The following MLLT10 variants were observed in gnomAD, a reference collection of about 807,000 sequenced individuals.
MLLT10 encodes MLLT10 histone lysine methyltransferase DOT1L cofactor.
MLLT10 carries 30 observed loss-of-function variants against 129.1 expected under a neutral mutation model. That is an observed-to-expected ratio of 0.23 (90% CI 0.17 to 0.32). The LOEUF (loss-of-function observed/expected upper bound fraction) is 0.32. Ranked by LOEUF, MLLT10 falls within the 10% of genes least tolerant of loss-of-function variation. MLLT10 has a pLI of 1.00. For missense variants in MLLT10, 1,119 were observed against 1,268.3 expected (o/e 0.88, Z 1.79); for synonymous variants, 490 against 446.4 (o/e 1.10, Z -1.23).
intron 14 of MLLT10, among the ~76,000 whole-genome samples, chr10:21,720,650 A>C (rs986757364): frequency 9.2e-5 from 14 of 152,252 alleles, no homozygotes; most frequent in Admixed American, 2.6e-4. Flanking sequence ...AGTTTAAAAC[A>C]TTACTGCATA....
chr10:21,611,814 G>A (rs937270958), intron 5 of MLLT10, among the ~76,000 whole-genome samples: 1 of 152,202 alleles, frequency 6.6e-6, no homozygotes, highest in African/African-American at 2.4e-5. Flanking sequence ...CAGCTTGGTG[G>A]GGCTGAATGA....
chr10:21,675,409 A>G (rs767815356), intron 11 of MLLT10, among the ~76,000 whole-genome samples: 1 of 152,200 alleles, frequency 6.6e-6, no homozygotes, highest in Admixed American at 6.5e-5. Flanking sequence ...GGGAATAAAA[A>G]ATGTCTCCAA....
At chr10:21,568,802 A>G (rs2039880811) in intron 3 of MLLT10, among the ~76,000 whole-genome samples, 2 of 151,908 alleles carry the variant, frequency 1.3e-5, no homozygotes, top group Non-Finnish European at 2.9e-5. Context: ...ATGCCCGGCT[A>G]ATGTTGTATT....
At chr10:21,617,239 C>A in intron 8 of MLLT10, 32 bp downstream of exon 8, 2 of 1,258,128 alleles carry the variant, frequency 1.6e-6, no homozygotes, top group South Asian at 2.0e-5. Flanking sequence ...AAATTTGTAG[C>A]ACATCTACTT....
At chr10:21,656,679 A>AT (rs1301756348) in intron 9 of MLLT10, among the ~76,000 whole-genome samples, 8 of 152,348 alleles carry the variant, frequency 5.3e-5, no homozygotes, top group African/African-American at 1.7e-4. Flanking sequence ...ATATTATGTT[A>AT]TTAATGTGGT....
chr10:21,535,559 GGTT>G (rs2033817582), intron 2 of MLLT10, among the ~76,000 whole-genome samples: 1 of 152,168 alleles, frequency 6.6e-6, no homozygotes, highest in African/African-American at 2.4e-5. Context: ...GTTTATTTCT[GGTT>G]GTTAACAATT....
chr10:21,564,016 C>T (rs1210653928), intron 3 of MLLT10, among the ~76,000 whole-genome samples: 1 of 151,998 alleles, frequency 6.6e-6, no homozygotes, highest in East Asian at 1.9e-4. Context: ...GTTTCACCGT[C>T]TTAGCCAGGA....
At chr10:21,651,305 C>T (rs376122064) in intron 8 of MLLT10, among the ~76,000 whole-genome samples, 7 of 151,982 alleles carry the variant, frequency 4.6e-5, no homozygotes, top group East Asian at 1.9e-4. Flanking sequence ...CTCCTGGCCT[C>T]GTGATCCGCC....
At chr10:21,651,919 T>G in intron 9 of MLLT10, 151 bp downstream of exon 9, 1 of 543,356 alleles carries the variant, frequency 1.8e-6, no homozygotes, top group Non-Finnish European at 3.1e-6. Context: ...TTTTTTTTTT[T>G]TTTTTTTTTT....
chr10:21,593,798 G>A (rs2042738766), intron 4 of MLLT10, among the ~76,000 whole-genome samples: 1 of 151,670 alleles, frequency 6.6e-6, no homozygotes, highest in South Asian at 2.1e-4. Context: ...GTGGTGGTGG[G>A]CACCTGTAAT....
upstream of MLLT10, chr10:21,534,090 C>T (rs2033302642): frequency 4.2e-6 from 1 of 237,916 alleles, no homozygotes; most frequent in East Asian, 8.2e-5. Flanking sequence ...CCACCCCCAG[C>T]ACACCTCGGC....
At chr10:21,543,310 A>G (rs1258491561) in intron 3 of MLLT10, among the ~76,000 whole-genome samples, 1 of 151,830 alleles carries the variant, frequency 6.6e-6, no homozygotes, top group Non-Finnish European at 1.5e-5. Flanking sequence ...TAGTAGAGAC[A>G]GGGCTTCTCC....
chr10:21,732,506 T>C (rs1422504858), intron 17 of MLLT10, among the ~76,000 whole-genome samples: 1 of 152,252 alleles, frequency 6.6e-6, no homozygotes, highest in Non-Finnish European at 1.5e-5. Flanking sequence ...ATTGGTGCGA[T>C]CCTTAACCAT....
chr10:21,742,910 G>C lies in MLLT10; in HGVS notation c.*927G>C, dbSNP rs1336505880. ...TTTATTCAGAACTTTCTGTGCCACT[G>C]TAGATAGCTCAGGCAAAACTATTAC... On this transcript the variant is annotated 3_prime_UTR_variant, in exon 23 of 23. Coordinates refer to ENST00000307729, the MANE Select transcript of MLLT10 (RefSeq NM_001195626.3). 1 of 228,652 alleles carries C rather than the reference G, an allele frequency of 4.4e-6. No homozygotes were observed. Among genetic ancestry groups the C allele is most frequent in the Non-Finnish European group, 8.7e-6 (1 of 115,266 alleles). 14.2% of individuals were successfully genotyped at this position (228,652 alleles called of 1,614,324 possible).
intron 13 of MLLT10, among the ~76,000 whole-genome samples, chr10:21,686,847 T>TGTCTGTAATTACAG (rs1656172678): frequency 1.3e-5 from 2 of 152,112 alleles, no homozygotes; most frequent in African/African-American, 4.8e-5. Flanking sequence ...CCAGACGTGA[T>TGTCTGTAATTACAG]GGTGCGTGTC....
At chr10:21,637,687 C>T (rs182644637) in intron 8 of MLLT10, among the ~76,000 whole-genome samples, 1 of 152,286 alleles carries the variant, frequency 6.6e-6, no homozygotes, top group Non-Finnish European at 1.5e-5. Flanking sequence ...TCTGGGAAAG[C>T]ACTTCAGACA....
chr10:21,711,582 C>CAA (rs529993002), intron 13 of MLLT10, among the ~76,000 whole-genome samples: 8 of 52,092 alleles, frequency 1.5e-4, no homozygotes, highest in South Asian at 1.3e-3. Flanking sequence ...ACAACCAACG[C>CAA]AAAAAAAAAA....
intron 13 of MLLT10, among the ~76,000 whole-genome samples, chr10:21,692,911 A>G (rs1489177787): frequency 6.6e-6 from 1 of 152,192 alleles, no homozygotes; most frequent in Non-Finnish European, 1.5e-5. Context: ...AAGAAAGGCA[A>G]ATTATGTTGA....
chr10:21,560,457 AC>A, intron 3 of MLLT10, among the ~76,000 whole-genome samples: 1 of 151,988 alleles, frequency 6.6e-6, no homozygotes, highest in Non-Finnish European at 1.5e-5. Context: ...TGTTTTTGAG[AC>A]AGGGTCTAGT....
Sources: gnomAD v4.1 joint callset for allele counts (sites outside exome capture counted in the v4.1 genomes callset) on GRCh38, gnomAD v4.1.1 for gene constraint, MANE v1.5 for transcripts, NCBI Gene and HGNC (gene_info 2026-07-23, HGNC 2026-07-21) for gene names.